Variants in PGPEP1 observed in about 807,000 individuals in gnomAD.
PGPEP1 encodes the protein pyroglutamyl-peptidase I.
In PGPEP1, 15 loss-of-function variants were observed where a neutral mutation model predicts 24.1. The ratio of observed to expected loss-of-function variants is 0.62; its 90% CI spans 0.42 to 0.96. PGPEP1 has a LOEUF of 0.96. PGPEP1 is among the 40% of genes least tolerant of loss of function. The pLI, the probability that PGPEP1 is intolerant of heterozygous loss-of-function variation, is 0.00. For synonymous variants in PGPEP1, 122 were observed against 116.4 expected, an observed-to-expected ratio of 1.05 and a Z score of -0.31; for missense variants, 242 against 273.4, an observed-to-expected ratio of 0.89 and a Z score of 0.81.
In PGPEP1 at chr19:18,367,427, A is replaced by G. The variant is rs1399710751; in HGVS notation, c.*3844A>G. On this transcript the variant is annotated 3_prime_UTR_variant, in exon 5 of 5. Coordinates refer to ENST00000269919, the MANE Select transcript of PGPEP1 (RefSeq NM_017712.4). The stretch of plus-strand genomic sequence containing the variant: ...TGATGAGTCCTCATGGAGGGTGCTG[A>G]GGCAGGGAACAGGGGTGCAGGGACA... The G allele has an allele frequency of 6.6e-6, 1 of 151,782 alleles. No individual in the cohort carries two copies. The highest frequency in any genetic ancestry group is 1.5e-5 in the Non-Finnish European group (1 of 68,026). 9.4% of individuals were successfully genotyped at this position (151,782 alleles called of 1,614,324 possible).
At chr19:18,346,633 C>CTTTTTTTTTTT (rs775309565) in intron 2 of PGPEP1, among the ~76,000 whole-genome samples, 4 of 79,474 alleles carry the variant, frequency 5.0e-5, no homozygotes, top group Non-Finnish European at 6.7e-5. Context: ...CTGTTTCTCT[C>CTTTTTTTTTTT]TTTTTTTTTT....
chr19:18,348,428 G>C (rs1970924216), intron 2 of PGPEP1, among the ~76,000 whole-genome samples: 1 of 152,176 alleles, frequency 6.6e-6, no homozygotes, highest in Non-Finnish European at 1.5e-5. Flanking sequence ...TCAGGTAGAT[G>C]GGGTGTAGAC....
chr19:18,359,631 C>T (rs1201902701), intron 4 of PGPEP1, among the ~76,000 whole-genome samples: 1 of 152,140 alleles, frequency 6.6e-6, no homozygotes, highest in Non-Finnish European at 1.5e-5. Flanking sequence ...CCTCAGCCTC[C>T]CAAGTAGCTG....
intron 2 of PGPEP1, among the ~76,000 whole-genome samples, chr19:18,345,602 G>C (rs546567315): frequency 1.3e-5 from 2 of 151,074 alleles, no homozygotes; most frequent in African/African-American, 4.9e-5. Context: ...GCGCATGCCT[G>C]TAGTCCCAGC....
rs200750525 is a variant in PGPEP1 at position 18,366,450 on chromosome 19, T to C, written c.*2867T>C. The stretch of plus-strand genomic sequence containing the variant: ...CTCATAATGCACAACATTTGGCTCA[T>C]TTTATTTTTCTCATTGTTATTTTTT... On this transcript the variant is annotated 3_prime_UTR_variant, in exon 5 of 5. Transcript: ENST00000269919. The C allele has an allele frequency of 1.3e-5, 2 of 152,064 alleles. No individual in the cohort carries two copies. The highest frequency in any genetic ancestry group is 4.8e-5 in the African/African-American group (2 of 41,402). 9.4% of individuals were successfully genotyped at this position (152,064 alleles called of 1,614,324 possible).
rs552300520 is a variant in PGPEP1, at chr19:18,363,640, C to T, written c.*57C>T. On this transcript the variant is annotated 3_prime_UTR_variant, in exon 5 of 5. Coordinates refer to ENST00000269919, the MANE Select transcript of PGPEP1 (RefSeq NM_017712.4). Reference sequence around the variant, plus strand: ...GCTGGGGACCCCACGAGGGGACATCCACCCTCTGGGGTGTGGCCAGGAAAA... The same window carrying T: ...GCTGGGGACCCCACGAGGGGACATCTACCCTCTGGGGTGTGGCCAGGAAAA... The T allele has an allele frequency of 2.2e-6, 3 of 1,376,216 alleles. No individual in the cohort carries two copies. Among genetic ancestry groups the T allele is most frequent in the African/African-American group, 2.8e-5 (2 of 70,572 alleles). 85.3% of individuals were successfully genotyped at this position (1,376,216 alleles called of 1,614,324 possible).
rs554970452 is a variant in PGPEP1 at position 18,345,698 on chromosome 19, C to G, written c.87+2787C>G. 5.9e-4 allele frequency among the ~76,000 whole-genome samples: 87 copies of G among 146,502 alleles called. 1 individual carries two copies. Among genetic ancestry groups the G allele is most frequent in the Non-Finnish European group, 1.3e-4 (9 of 67,128 alleles). On this transcript the variant is annotated intron_variant, in intron 2 of 4. Transcript: ENST00000269919. Reference sequence around the variant, plus strand: ...CCCTCATAGTATCACTGCACTCTAGCCCAGGTGACAGAGCTAGACCCTATC... The same window carrying G: ...CCCTCATAGTATCACTGCACTCTAGGCCAGGTGACAGAGCTAGACCCTATC...
At chr19:18,356,269 C>A (rs1971183796) in intron 3 of PGPEP1, among the ~76,000 whole-genome samples, 1 of 151,446 alleles carries the variant, frequency 6.6e-6, no homozygotes, top group Admixed American at 6.6e-5. Context: ...CCTGTCTCTA[C>A]TAAAAATACA....
chr19:18,363,824 G>A lies in PGPEP1; in HGVS notation c.*241G>A, dbSNP rs746150111. The A allele has an allele frequency of 3.6e-5, 14 of 388,992 alleles. No homozygotes were observed. The highest frequency in any genetic ancestry group is 4.7e-5 in the Non-Finnish European group (10 of 212,698). 24.1% of individuals were successfully genotyped at this position (388,992 alleles called of 1,614,324 possible). On this transcript the variant is annotated 3_prime_UTR_variant, in exon 5 of 5. Coordinates refer to ENST00000269919, the MANE Select transcript of PGPEP1 (RefSeq NM_017712.4). ...CCCTGCATCTGGGGACACAGCTGCCGTGACCAGGGAGGCCAGCCTGGGAGG... is the reference window on the plus strand; with the variant it reads ...CCCTGCATCTGGGGACACAGCTGCCATGACCAGGGAGGCCAGCCTGGGAGG...
At position 18,367,580 on chromosome 19, in the gene PGPEP1, G is replaced by A. The variant is rs1022241945; in HGVS notation, c.*3997G>A. On this transcript the variant is annotated 3_prime_UTR_variant, in exon 5 of 5. Coordinates refer to ENST00000269919, the MANE Select transcript of PGPEP1 (RefSeq NM_017712.4). ...CTCCCCACCCCAAAGAAGGTCAGTT[G>A]CATGCGTGTGGGGATGTAGCTCAAA... The A allele has an allele frequency of 6.6e-6, 1 of 152,024 alleles. No individual in the cohort carries two copies. Among genetic ancestry groups the A allele is most frequent in the African/African-American group, 2.4e-5 (1 of 41,374 alleles). The allele number at this position is 152,024 out of a possible 1,614,324, so 9.4% of individuals were successfully genotyped here.
chr19:18,344,847 T>C (rs66978877), intron 2 of PGPEP1, among the ~76,000 whole-genome samples: 35,826 of 151,860 alleles, frequency 0.24, 5,086 homozygotes, highest in East Asian at 0.46. Context: ...TACATCTAAA[T>C]AGAAGAAAAA....
intron 4 of PGPEP1, chr19:18,358,199 C>T (rs1971242415): frequency 6.5e-6 from 1 of 152,768 alleles, no homozygotes; most frequent in Non-Finnish European, 1.4e-5. Flanking sequence ...GCCGTGTGGT[C>T]TTCTTATTAG....
At chr19:18,346,633 C>CTTTTTTTTTTTTTTTTTT (rs775309565) in intron 2 of PGPEP1, among the ~76,000 whole-genome samples, 1 of 79,476 alleles carries the variant, frequency 1.3e-5, no homozygotes, top group Non-Finnish European at 2.2e-5. Context: ...CTGTTTCTCT[C>CTTTTTTTTTTTTTTTTTT]TTTTTTTTTT....
At position 18,365,244 on chromosome 19, in the gene PGPEP1, C is replaced by G. The variant is rs1470052366; in HGVS notation, c.*1661C>G. On this transcript the variant is annotated 3_prime_UTR_variant, in exon 5 of 5. Transcript: ENST00000269919. ...TGAGTGAAATGCACGTTCTGGAAATCAGTTTCTATTTTGGCCTGGAGGAAT... is the reference window on the plus strand; with the variant it reads ...TGAGTGAAATGCACGTTCTGGAAATGAGTTTCTATTTTGGCCTGGAGGAAT... The G allele has an allele frequency of 6.6e-6, 1 of 152,148 alleles. No homozygotes were observed. Among genetic ancestry groups the G allele is most frequent in the East Asian group, 1.9e-4 (1 of 5,194 alleles). 9.4% of individuals were successfully genotyped at this position (152,148 alleles called of 1,614,324 possible). A position where few individuals can be genotyped will look rare whatever the true frequency, so the allele number is the denominator to read the frequency against.
intron 3 of PGPEP1, among the ~76,000 whole-genome samples, chr19:18,357,067 T>G (rs1971204787): frequency 6.6e-6 from 1 of 152,188 alleles, no homozygotes; most frequent in Non-Finnish European, 1.5e-5. Context: ...TGCATTGGCA[T>G]TTTAACACTT....
intron 2 of PGPEP1, among the ~76,000 whole-genome samples, chr19:18,348,166 CTG>C (rs1187652311): frequency 6.6e-6 from 1 of 152,076 alleles, no homozygotes; most frequent in Non-Finnish European, 1.5e-5. Context: ...GGGGCACTGG[CTG>C]TGTTTCTCTT....
At chr19:18,356,093 G>A (rs1713264708) in intron 3 of PGPEP1, 82 bp downstream of exon 3, 2 of 824,652 alleles carry the variant, frequency 2.4e-6, no homozygotes, top group African/African-American at 1.7e-5. Flanking sequence ...GGTGGCTTTG[G>A]TCCTGATCAG....
rs1010527291 is a variant in PGPEP1, at chr19:18,366,511, C to T, written c.*2928C>T. The T allele has an allele frequency of 1.3e-5, 2 of 152,076 alleles. No homozygotes were observed. The highest frequency in any genetic ancestry group is 4.8e-5 in the African/African-American group (2 of 41,398). 9.4% of individuals were successfully genotyped at this position (152,076 alleles called of 1,614,324 possible). A position where few individuals can be genotyped will look rare whatever the true frequency, so the allele number is the denominator to read the frequency against. Reference sequence around the variant, plus strand: ...TTTGAGATGGATTCTCACACTGTTACTCGGGCTAGAGTGCAATGGCGTGAT... The same window carrying T: ...TTTGAGATGGATTCTCACACTGTTATTCGGGCTAGAGTGCAATGGCGTGAT... On this transcript the variant is annotated 3_prime_UTR_variant, in exon 5 of 5. Transcript: ENST00000269919.
intron 4 of PGPEP1, 40 bp downstream of exon 4, chr19:18,357,655 C>T (rs1568316550): frequency 7.2e-7 from 1 of 1,398,038 alleles, no homozygotes; most frequent in Non-Finnish European, 9.9e-7. Flanking sequence ...GGATTTCCCT[C>T]CTCCACCCAC....
Sources: gnomAD v4.1 joint callset for allele counts (sites outside exome capture counted in the v4.1 genomes callset) on GRCh38, gnomAD v4.1.1 for gene constraint, MANE v1.5 for transcripts, NCBI Gene and HGNC (gene_info 2026-07-23, HGNC 2026-07-21) for gene names.